The following ODAD1 variants were observed in gnomAD, a reference collection of about 807,000 sequenced individuals.
ODAD1 encodes the protein outer dynein arm docking complex subunit 1, also known as outer dynein arm-docking complex subunit 1.
Under a neutral mutation model 67.2 loss-of-function variants are expected in ODAD1, and 49 were observed. The ratio of observed to expected loss-of-function variants is 0.73; its 90% CI spans 0.58 to 0.92. ODAD1 has a LOEUF of 0.92. Among genes scored for constraint, ODAD1 ranks in the 40% least tolerant of loss-of-function variants. The pLI, the probability that ODAD1 is intolerant of heterozygous loss-of-function variation, is 0.00. For missense variants in ODAD1, 897 were observed against 953.7 expected, an observed-to-expected ratio of 0.94 and a Z score of 0.78; for synonymous variants, 345 against 393.7, an observed-to-expected ratio of 0.88 and a Z score of 1.46.
chr19:48,305,521 C>T (rs1028269008), intron 8 of ODAD1, among the ~76,000 whole-genome samples: 1 of 151,988 alleles, frequency 6.6e-6, no homozygotes, highest in South Asian at 2.1e-4. Context: ...CCTCCCACCT[C>T]AGCCTCCCAA....
intron 7 of ODAD1, among the ~76,000 whole-genome samples, chr19:48,307,676 G>A (rs561729293): frequency 8.1e-4 from 123 of 152,088 alleles, no homozygotes; most frequent in African/African-American, 2.8e-3. Flanking sequence ...TTAGCCGGGC[G>A]TGGTGGCAGG....
At chr19:48,304,523 G>A (rs1968556666) in intron 8 of ODAD1, among the ~76,000 whole-genome samples, 1 of 152,054 alleles carries the variant, frequency 6.6e-6, no homozygotes, top group African/African-American at 2.4e-5. Flanking sequence ...GGAGGCTGAG[G>A]CAAGAGAATC....
intron 7 of ODAD1, among the ~76,000 whole-genome samples, chr19:48,310,752 C>A (rs1335267189): frequency 1.3e-5 from 2 of 152,174 alleles, no homozygotes; most frequent in Non-Finnish European, 2.9e-5. Context: ...ATAATTCTTG[C>A]ACCTTTTTCT....
rs1229859358 is a variant in ODAD1, at chr19:48,311,676, G to C, written c.484-10C>G. 1 of 1,502,140 alleles carries C rather than the reference G, an allele frequency of 6.7e-7. No individual in the cohort carries two copies. The highest frequency in any genetic ancestry group is 9.1e-7 in the Non-Finnish European group (1 of 1,101,786). The allele number at this position is 1,502,140 out of a possible 1,614,324, so 93.1% of individuals were successfully genotyped here. ...CAAAGTGACAGGTGACCTGGGAGTA[G>C]AAAGGTGGATGGAAGAGTGGGTCTG... On this transcript the variant is annotated splice_polypyrimidine_tract_variant and intron_variant, in intron 6 of 15. Transcript: ENST00000674294.
chr19:48,311,964 A>T lies in ODAD1; in HGVS notation c.483+30T>A. ...AGTTCTTCCCATAACCGCACAATTCAGGTCGAGGGACCAGGAGTTTGACCC... is the reference window on the plus strand; with the variant it reads ...AGTTCTTCCCATAACCGCACAATTCTGGTCGAGGGACCAGGAGTTTGACCC... On this transcript the variant is annotated intron_variant, in intron 6 of 15. Transcript: ENST00000674294. The T allele has an allele frequency of 2.6e-6, 4 of 1,546,842 alleles. No individual in the cohort carries two copies. The South Asian group carries it at 4.8e-5, about 18-fold the overall frequency.
In ODAD1 at chr19:48,297,096, G is replaced by C. The variant is rs181011260; in HGVS notation, c.2004C>G (p.Ser668Arg). The C allele has an allele frequency of 6.2e-7, 1 of 1,613,482 alleles. No individual in the cohort carries two copies. Among genetic ancestry groups the C allele is most frequent in the Admixed American group, 1.7e-5 (1 of 60,010 alleles). ...GGENTEGGVE[S>R]GGTASDSSGG... is the part of the protein sequence containing the mutation. ...CGCTCGAATCAGACGCTGTGCCTCC[G>C]CTCTCCACACCACCCTCTGTGTTTT... The change falls in exon 16 of 16, where the codon AGC (serine) becomes AGG (arginine). Residue 668 changes from serine to arginine, a missense_variant. By Grantham distance (110) the Ser-to-Arg change is moderately radical. Coordinates refer to ENST00000674294, the MANE Select transcript of ODAD1 (RefSeq NM_001364171.2).
rs370475371 is a variant in ODAD1, at chr19:48,297,499, G to T, written c.1601C>A (p.Ala534Glu). 2 of 1,603,830 alleles carry T rather than the reference G, an allele frequency of 1.2e-6. No individual in the cohort carries two copies. The highest frequency in any genetic ancestry group is 1.7e-5 in the Admixed American group (1 of 58,816). ...VEKLVELQEQ[A>E]EAQRQKDLAA... ...CAGGTCCTTCTGGCGCTGCGCCTCC[G>T]CCTGCTCCTGGAGCTCCACCTGCAG... The change falls in exon 16 of 16, where the codon GCG (alanine) becomes GAG (glutamate). Residue 534 changes from alanine (A) to glutamate (E), a missense_variant. Transcript: ENST00000674294.
chr19:48,297,745 C>G lies in ODAD1; in HGVS notation c.1503-77G>C, dbSNP rs566379570. The G allele has an allele frequency of 8.0e-6, 10 of 1,249,014 alleles. No homozygotes were observed. In the Admixed American group the frequency reaches 3.1e-4, roughly 39 times the overall value. 77.4% of individuals were successfully genotyped at this position (1,249,014 alleles called of 1,614,324 possible). ...GCCAGCGGCCCTTCCTGCTAAACCCCGGGAGCCTCAGCCATTCTCCCACCA... is the reference window on the plus strand; with the variant it reads ...GCCAGCGGCCCTTCCTGCTAAACCCGGGGAGCCTCAGCCATTCTCCCACCA... On this transcript the variant is annotated intron_variant, in intron 14 of 15. Transcript: ENST00000674294.
intron 12 of ODAD1, among the ~76,000 whole-genome samples, chr19:48,298,562 C>A (rs546785801): frequency 1.3e-5 from 2 of 152,324 alleles, no homozygotes; most frequent in East Asian, 3.9e-4. Context: ...AGTGTCACTG[C>A]CTCCAGGAAG....
intron 1 of ODAD1, 130 bp downstream of exon 1, chr19:48,321,548 T>C (rs1177339243): frequency 6.0e-6 from 2 of 332,832 alleles, no homozygotes; most frequent in Non-Finnish European, 1.1e-5. Flanking sequence ...GGGTCGCGTT[T>C]GGAAGGCCTT....
At chr19:48,302,977 G>A in intron 11 of ODAD1, 36 bp downstream of exon 11, 1 of 1,606,714 alleles carries the variant, frequency 6.2e-7, no homozygotes, top group Non-Finnish European at 8.5e-7. Flanking sequence ...GAGGCCGGGA[G>A]GAGAGGAGGA....
chr19:48,309,610 C>A (rs2077690016), intron 7 of ODAD1, among the ~76,000 whole-genome samples: 1 of 152,178 alleles, frequency 6.6e-6, no homozygotes, highest in African/African-American at 2.4e-5. Context: ...TCTTCCTGGA[C>A]ACAGTACAAG....
At chr19:48,312,742 G>A (rs1355083322) in intron 5 of ODAD1, among the ~76,000 whole-genome samples, 1 of 152,120 alleles carries the variant, frequency 6.6e-6, no homozygotes, top group Non-Finnish European at 1.5e-5. Flanking sequence ...ATAGTCTGGG[G>A]GAAGCACATG....
chr19:48,320,726 G>A (rs1161689289), intron 2 of ODAD1, 46 bp downstream of exon 2: 3 of 172,028 alleles, frequency 1.7e-5, no homozygotes, highest in Non-Finnish European at 3.8e-5. Context: ...GTGGGGGTTG[G>A]GCAGGGTCGG....
chr19:48,302,959 G>A, intron 11 of ODAD1, 54 bp downstream of exon 11: 9 of 1,600,146 alleles, frequency 5.6e-6, no homozygotes, highest in South Asian at 4.4e-5. Context: ...GGGAGGGAAG[G>A]GGGCGGGGAG....
chr19:48,306,120 A>G, intron 8 of ODAD1, 136 bp downstream of exon 8: 1 of 1,327,434 alleles, frequency 7.5e-7, no homozygotes, highest in Non-Finnish European at 1.0e-6. Context: ...GGGGAGAGAG[A>G]AAAAGGGGAT....
chr19:48,311,153 A>G (rs145366798), intron 7 of ODAD1, among the ~76,000 whole-genome samples: 6 of 152,312 alleles, frequency 3.9e-5, no homozygotes, highest in Non-Finnish European at 7.4e-5. Context: ...CACAGGCTGT[A>G]GTGAGCCAAG....
intron 12 of ODAD1, among the ~76,000 whole-genome samples, chr19:48,302,021 T>C (rs1968475713): frequency 7.0e-6 from 1 of 142,434 alleles, no homozygotes; most frequent in Admixed American, 7.2e-5. Flanking sequence ...GATGAAGGAA[T>C]AGATCCTGGA....
In ODAD1 at chr19:48,312,083, T is replaced by G. The variant is rs1256093494; in HGVS notation, c.394A>C (p.Ser132Arg). 1 of 1,550,974 alleles carries G rather than the reference T, an allele frequency of 6.4e-7. No homozygotes were observed. The highest frequency in any genetic ancestry group is 8.7e-7 in the Non-Finnish European group (1 of 1,145,974). ...QEWETRIFTH[S>R]KNVRSPGFIL... is the part of the protein sequence containing the mutation. Reference sequence around the variant, plus strand: ...AATCCCGGGGACCTGACATTCTTACTGTGGGTAAAGATCCGCGTCTCCCAC... The same window carrying G: ...AATCCCGGGGACCTGACATTCTTACGGTGGGTAAAGATCCGCGTCTCCCAC... Residue 132 changes from serine (S) to arginine (R), a missense_variant, in exon 6 of 16, where the codon AGT becomes CGT. By Grantham distance (110) the Ser-to-Arg change is moderately radical. Transcript: ENST00000674294.
Sources: allele counts gnomAD v4.1 joint callset (sites outside exome capture counted in the v4.1 genomes callset), GRCh38; gene constraint gnomAD v4.1.1; transcripts MANE v1.5; gene names NCBI Gene and HGNC (gene_info 2026-07-23, HGNC 2026-07-21).